Variants in WWTR1 observed in about 807,000 individuals in gnomAD.
WWTR1 encodes WW domain-containing transcription regulator protein 1.
Under a neutral mutation model 40.1 loss-of-function variants are expected in WWTR1, and 13 were observed. The observed-to-expected ratio is 0.32, with a 90% CI of 0.21 to 0.52. WWTR1 has a LOEUF of 0.52. Ranked by LOEUF, WWTR1 falls within the 20% of genes least tolerant of loss-of-function variation. The probability of loss-of-function intolerance (pLI) is 0.97; values close to 1 mark genes in which losing one functional copy is unlikely to be tolerated. For synonymous variants in WWTR1, 230 were observed against 210.1 expected, an observed-to-expected ratio of 1.09 and a Z score of -0.82; for missense variants, 436 against 523.1, an observed-to-expected ratio of 0.83 and a Z score of 1.63.
chr3:149,721,072 A>C, intron 4 of WWTR1, among the ~76,000 whole-genome samples: 1 of 152,006 alleles, frequency 6.6e-6, no homozygotes, highest in East Asian at 1.9e-4. Flanking sequence ...GGGATATTTT[A>C]CTTCTTTTTT....
intron 2 of WWTR1, among the ~76,000 whole-genome samples, chr3:149,584,575 A>T (rs1738321961): frequency 6.6e-6 from 1 of 152,196 alleles, no homozygotes; most frequent in South Asian, 2.1e-4. Flanking sequence ...ATCGAAAGGG[A>T]CCAACTTAGG....
chr3:149,715,214 T>TG (rs1715574918), intron 5 of WWTR1, among the ~76,000 whole-genome samples: 1 of 152,270 alleles, frequency 6.6e-6, no homozygotes, highest in African/African-American at 2.4e-5. Context: ...CACCATGTTG[T>TG]GGGTGAAGAG....
chr3:149,576,147 G>A (rs1737867984), intron 2 of WWTR1: 1 of 455,796 alleles, frequency 2.2e-6, no homozygotes, highest in Non-Finnish European at 4.4e-6. Flanking sequence ...CAGACCAGTC[G>A]ACCTGACATC....
At chr3:149,670,401 T>C (rs1016168121) in intron 1 of WWTR1, among the ~76,000 whole-genome samples, 2 of 152,164 alleles carry the variant, frequency 1.3e-5, no homozygotes, top group Non-Finnish European at 2.9e-5. Context: ...ACCGCTGTAG[T>C]TGGTCTTGAG....
chr3:149,601,640 A>C (rs1442429446), intron 2 of WWTR1, among the ~76,000 whole-genome samples: 1 of 152,086 alleles, frequency 6.6e-6, no homozygotes, highest in African/African-American at 2.4e-5. Context: ...AAACTAATAC[A>C]TCCTCCAATT....
At chr3:149,573,750 G>A (rs561369017) in intron 2 of WWTR1, among the ~76,000 whole-genome samples, 1 of 152,292 alleles carries the variant, frequency 6.6e-6, no homozygotes, top group Non-Finnish European at 1.5e-5. Flanking sequence ...GTTTGTTACT[G>A]TGACTTAATC....
chr3:149,710,461 G>T (rs1375869649), intron 5 of WWTR1, among the ~76,000 whole-genome samples: 1 of 150,690 alleles, frequency 6.6e-6, no homozygotes, highest in African/African-American at 2.4e-5. Context: ...CTGTTCTTTG[G>T]TTTTCTCATG....
At chr3:149,581,466 G>T (rs555515638) in intron 2 of WWTR1, among the ~76,000 whole-genome samples, 14 of 152,070 alleles carry the variant, frequency 9.2e-5, no homozygotes, top group Non-Finnish European at 1.6e-4. Context: ...GAAAGTTTCC[G>T]GTCAGATTTT....
intron 2 of WWTR1, among the ~76,000 whole-genome samples, chr3:149,643,541 C>T (rs950524633): frequency 6.6e-6 from 1 of 152,102 alleles, no homozygotes; most frequent in Non-Finnish European, 1.5e-5. Flanking sequence ...TAATAGGATG[C>T]TTAAACAAGC....
intron 2 of WWTR1, among the ~76,000 whole-genome samples, chr3:149,611,827 T>C (rs1739748447): frequency 6.6e-6 from 1 of 152,248 alleles, no homozygotes; most frequent in Non-Finnish European, 1.5e-5. Flanking sequence ...TTCACATTTA[T>C]GGCTAATTCC....
intron 1 of WWTR1, among the ~76,000 whole-genome samples, chr3:149,684,424 T>C (rs1714564191): frequency 6.6e-6 from 1 of 152,178 alleles, no homozygotes. Flanking sequence ...ATTTCAAGAT[T>C]CTAAAAATTG....
upstream of WWTR1, among the ~76,000 whole-genome samples, chr3:149,662,814 A>G (rs906620913): frequency 2.6e-5 from 4 of 152,126 alleles, no homozygotes; most frequent in Non-Finnish European, 5.9e-5. Context: ...ATCCAGTAAT[A>G]AAGTATCTTT....
At chr3:149,659,331 A>ATTTTTTTTTTTTTTTTTTTTTTTTT (rs71138403), upstream of WWTR1, 2 of 106,466 alleles carry the variant, frequency 1.9e-5, no homozygotes, top group African/African-American at 7.7e-5. Flanking sequence ...TTGTGCCTTA[A>ATTTTTTTTTTTTTTTTTTTTTTTTT]TTTTTTTTTT....
intron 5 of WWTR1, among the ~76,000 whole-genome samples, chr3:149,715,825 A>C (rs1715595085): frequency 6.6e-6 from 1 of 152,224 alleles, no homozygotes; most frequent in African/African-American, 2.4e-5. Flanking sequence ...TATGCTAATC[A>C]CAAAAATAGT....
intron 3 of WWTR1, among the ~76,000 whole-genome samples, chr3:149,548,215 G>A (rs954922111): frequency 6.6e-6 from 1 of 152,174 alleles, no homozygotes; most frequent in African/African-American, 2.4e-5. Context: ...TGCTATATAA[G>A]AAGCAAACAT....
At chr3:149,527,141 CTCTTT>C (rs1174041015) in intron 5 of WWTR1, among the ~76,000 whole-genome samples, 2 of 134,874 alleles carry the variant, frequency 1.5e-5, no homozygotes, top group African/African-American at 5.2e-5. Flanking sequence ...TGAACATCAT[CTCTTT>C]TCTTTTCTTT....
chr3:149,566,701 G>C (rs1022767693), intron 3 of WWTR1, among the ~76,000 whole-genome samples: 13 of 151,586 alleles, frequency 8.6e-5, no homozygotes, highest in African/African-American at 3.2e-4. Flanking sequence ...ATTTGCTCTT[G>C]ATACAATGCT....
chr3:149,560,366 C>G (rs1576560069), intron 3 of WWTR1, among the ~76,000 whole-genome samples: 2 of 152,164 alleles, frequency 1.3e-5, no homozygotes, highest in South Asian at 2.1e-4. Flanking sequence ...AGAGAAGTCT[C>G]CCAAGGGGCA....
At chr3:149,547,473 C>A (rs969113595) in intron 3 of WWTR1, among the ~76,000 whole-genome samples, 1 of 151,890 alleles carries the variant, frequency 6.6e-6, no homozygotes, top group African/African-American at 2.4e-5. Flanking sequence ...TTGCAGTCAC[C>A]CGAGATCACG....
Sources: gnomAD v4.1 joint callset for allele counts (sites outside exome capture counted in the v4.1 genomes callset) on GRCh38, gnomAD v4.1.1 for gene constraint, MANE v1.5 for transcripts, NCBI Gene and HGNC (gene_info 2026-07-23, HGNC 2026-07-21) for gene names.